Variants in CRMP1 observed in about 807,000 individuals in gnomAD.
CRMP1 encodes the protein collapsin response mediator protein 1.
Under a neutral mutation model 68.3 loss-of-function variants are expected in CRMP1, and 19 were observed. The observed-to-expected ratio is 0.28, with a 90% confidence interval of 0.19 to 0.41. CRMP1 has a LOEUF of 0.41. Ranked by LOEUF, CRMP1 falls within the 10% of genes least tolerant of loss-of-function variation. CRMP1 has a pLI of 1.00. For synonymous variants in CRMP1, 439 were observed against 399.6 expected, an observed-to-expected ratio of 1.10 and a Z score of -1.18; for missense variants, 791 against 967.4, an observed-to-expected ratio of 0.82 and a Z score of 2.42.
In CRMP1 at chr4:5,860,964, G is replaced by C; in HGVS notation, c.655+62C>G. On this transcript the variant is annotated intron_variant, in intron 3 of 13. Transcript: ENST00000324989. The surrounding 1 kb of genome is among the most constrained non-coding windows in gnomAD (Gnocchi z 4.2). ...CTCGAACACACTGAGCACTTGTGAT[G>C]CTGGTGATGGGGAGGAGACCTCACA... 6.5e-7 allele frequency: 1 copy of C among 1,536,474 alleles called. No homozygotes were observed.
chr4:5,831,429 T>C (rs1366959362), intron 11 of CRMP1, among the ~76,000 whole-genome samples: 1 of 152,212 alleles, frequency 6.6e-6, no homozygotes, highest in African/African-American at 2.4e-5. Flanking sequence ...CACACAGCTG[T>C]TGACACTGTG....
At chr4:5,822,497 G>GA in intron 13 of CRMP1, among the ~76,000 whole-genome samples, 1 of 120,696 alleles carries the variant, frequency 8.3e-6, no homozygotes. Context: ...ATCTGAAGGG[G>GA]GGGGGGGTGG....
In CRMP1 at chr4:5,854,009, G is replaced by A. The variant is rs1305718809; in HGVS notation, c.820+2134C>T. 6.6e-6 allele frequency among the ~76,000 whole-genome samples: 1 copy of A among 152,120 alleles called. No homozygotes were observed. Among genetic ancestry groups the A allele is most frequent in the Non-Finnish European group, 1.5e-5 (1 of 68,032 alleles). On this transcript the variant is annotated intron_variant, in intron 4 of 13. Coordinates refer to ENST00000324989, the MANE Select transcript of CRMP1 (RefSeq NM_001014809.3). The surrounding 1 kb of genome is among the most constrained non-coding windows in gnomAD (Gnocchi z 4.0). ...TCCCTGGATGCCTGCAGGCAGCACAGACCCACTAGGCCTCACGGAGCCCAG... is the reference window on the plus strand; with the variant it reads ...TCCCTGGATGCCTGCAGGCAGCACAAACCCACTAGGCCTCACGGAGCCCAG...
Position 5,850,318 on chromosome 4 carries a change from AG to A in CRMP1, c.883-847del, listed in dbSNP as rs1174992387. 3.9e-5 allele frequency among the ~76,000 whole-genome samples: 6 copies of A among 152,224 alleles called. No individual in the cohort carries two copies. Among genetic ancestry groups the A allele is most frequent in the African/African-American group, 1.4e-4 (6 of 41,468 alleles). ...CGATTCCATCCATGCCCATGGCTCC[AG>A]TAGTTAGAATGAAACAGGTGAAAAT... On this transcript the variant is annotated intron_variant, in intron 5 of 13. Transcript: ENST00000324989. The surrounding 1 kb of genome is among the most constrained non-coding windows in gnomAD (Gnocchi z 4.4).
chr4:5,835,033 C>A (rs1354622560), intron 11 of CRMP1, among the ~76,000 whole-genome samples: 2 of 152,130 alleles, frequency 1.3e-5, no homozygotes, highest in Non-Finnish European at 2.9e-5. Flanking sequence ...GTCCTGTCCC[C>A]ACACCTGTGG....
At position 5,825,383 on chromosome 4, in the gene CRMP1, GCTT is replaced by G. The variant is rs1719386778; in HGVS notation, c.1969+108_1969+110del. The G allele has an allele frequency of 3.6e-5, 53 of 1,463,406 alleles. No individual in the cohort carries two copies. In the South Asian group the frequency reaches 6.1e-4, roughly 17 times the overall value. 90.7% of individuals were successfully genotyped at this position (1,463,406 alleles called of 1,614,324 possible). A position where few individuals can be genotyped will look rare whatever the true frequency, so the allele number is the denominator to read the frequency against. On this transcript the variant is annotated intron_variant, in intron 13 of 13. Transcript: ENST00000324989. The surrounding 1 kb of genome is among the most constrained non-coding windows in gnomAD (Gnocchi z 4.4). ...TCGGGTGGGGCACACTCCCTTCCCT[GCTT>G]CTTCATCTAGTGTCCAAGGCCACGT...
chr4:5,844,061 C>T (rs910124215), intron 6 of CRMP1, among the ~76,000 whole-genome samples: 4 of 152,082 alleles, frequency 2.6e-5, no homozygotes, highest in Admixed American at 2.0e-4. Flanking sequence ...TAGACATCAC[C>T]CCGTCATGAA....
At position 5,891,154 on chromosome 4, in the gene CRMP1, C is replaced by A. The variant is rs1386260826; in HGVS notation, c.381+1435G>T. On this transcript the variant is annotated intron_variant, in intron 1 of 13. Coordinates refer to ENST00000324989, the MANE Select transcript of CRMP1 (RefSeq NM_001014809.3). This position sits in a 1 kb window ranked among gnomAD's most constrained non-coding sequence, Gnocchi z 5.2. The stretch of plus-strand genomic sequence containing the variant: ...CTCTCGCACCATCTCCCTTTCTGAT[C>A]ACCCCACCACCACACACACATACAC... Among the ~76,000 whole-genome samples, 1 of 134,410 alleles carries A rather than the reference C, an allele frequency of 7.4e-6. No homozygotes were observed. Among genetic ancestry groups the A allele is most frequent in the Non-Finnish European group, 1.7e-5 (1 of 60,080 alleles). The allele number at this position is 134,410 out of a possible 152,430, so 88.2% of individuals were successfully genotyped here. A position where few individuals can be genotyped will look rare whatever the true frequency, so the allele number is the denominator to read the frequency against.
chr4:5,846,133 T>C (rs538473705), intron 6 of CRMP1, among the ~76,000 whole-genome samples: 7 of 152,000 alleles, frequency 4.6e-5, no homozygotes, highest in Admixed American at 3.3e-4. Flanking sequence ...CCATCACTAC[T>C]AAAAATACAA....
chr4:5,875,909 T>G (rs745856472), intron 1 of CRMP1, among the ~76,000 whole-genome samples: 7 of 152,100 alleles, frequency 4.6e-5, no homozygotes, highest in Non-Finnish European at 8.8e-5. Context: ...TCCCAGCACT[T>G]TGGGAGGCCG....
Position 5,834,738 on chromosome 4 carries a change from G to A in CRMP1, c.1623+1177C>T, listed in dbSNP as rs1319384002. 6.6e-6 allele frequency among the ~76,000 whole-genome samples: 1 copy of A among 152,160 alleles called. No homozygotes were observed. On this transcript the variant is annotated intron_variant, in intron 11 of 13. Transcript: ENST00000324989. The surrounding 1 kb of genome is among the most constrained non-coding windows in gnomAD (Gnocchi z 4.3). ...AAATAATAGAATTGCAAGCCCTGCTGGACTGTACATGTGCGTGGCATAAAC... is the reference window on the plus strand; with the variant it reads ...AAATAATAGAATTGCAAGCCCTGCTAGACTGTACATGTGCGTGGCATAAAC...
At chr4:5,851,618 A>T in intron 4 of CRMP1, 149 bp from the exon 5 acceptor site, 1 of 755,614 alleles carries the variant, frequency 1.3e-6, no homozygotes, top group Non-Finnish European at 2.2e-6. Context: ...ATCCAGCCTG[A>T]GGATGTGGGC....
intron 1 of CRMP1, among the ~76,000 whole-genome samples, chr4:5,871,258 G>T (rs1714420519): frequency 6.6e-6 from 1 of 152,136 alleles, no homozygotes; most frequent in African/African-American, 2.4e-5. Flanking sequence ...TAGTTCCTTT[G>T]CCTCTTAAAC....
At chr4:5,868,533 C>A (rs1714210361) in intron 1 of CRMP1, among the ~76,000 whole-genome samples, 1 of 151,928 alleles carries the variant, frequency 6.6e-6, no homozygotes, top group Non-Finnish European at 1.5e-5. Flanking sequence ...AATCTCCCGA[C>A]CTCATGATCT....
rs952503289 is a variant in CRMP1, at chr4:5,889,839, C to A, written c.381+2750G>T. On this transcript the variant is annotated intron_variant, in intron 1 of 13. Transcript: ENST00000324989. This position sits in a 1 kb window ranked among gnomAD's most constrained non-coding sequence, Gnocchi z 4.5. ...AATCCAGGGCAGGAGGCCAGAGACA[C>A]CTGGGCCTTAAAATAGAGGTGAGGT... 3.5e-5 allele frequency: 52 copies of A among 1,465,026 alleles called. No homozygotes were observed. The highest frequency in any genetic ancestry group is 2.4e-4 in the Admixed American group (10 of 41,282). 90.8% of individuals were successfully genotyped at this position (1,465,026 alleles called of 1,614,324 possible).
chr4:5,871,136 G>A (rs1330983226), intron 1 of CRMP1, among the ~76,000 whole-genome samples: 3 of 152,158 alleles, frequency 2.0e-5, no homozygotes, highest in Admixed American at 6.5e-5. Context: ...AAGCAGGGGC[G>A]CCCAGGCTCC....
At position 5,889,811 on chromosome 4, in the gene CRMP1, C is replaced by G; in HGVS notation, c.381+2778G>C. The G allele has an allele frequency of 6.6e-7, 1 of 1,508,634 alleles. No homozygotes were observed. The highest frequency in any genetic ancestry group is 8.8e-7 in the Non-Finnish European group (1 of 1,130,708). 93.5% of individuals were successfully genotyped at this position (1,508,634 alleles called of 1,614,324 possible). A position where few individuals can be genotyped will look rare whatever the true frequency, so the allele number is the denominator to read the frequency against. ...CCTTCACCACCCCAGGGGCCAGTCCCCTAATCCAGGGCAGGAGGCCAGAGA... is the reference window on the plus strand; with the variant it reads ...CCTTCACCACCCCAGGGGCCAGTCCGCTAATCCAGGGCAGGAGGCCAGAGA... On this transcript the variant is annotated intron_variant, in intron 1 of 13. Coordinates refer to ENST00000324989, the MANE Select transcript of CRMP1 (RefSeq NM_001014809.3). The surrounding 1 kb of genome is among the most constrained non-coding windows in gnomAD (Gnocchi z 4.5).
At chr4:5,827,200 G>A (rs181298151) in intron 12 of CRMP1, among the ~76,000 whole-genome samples, 5 of 152,318 alleles carry the variant, frequency 3.3e-5, no homozygotes, top group South Asian at 2.1e-4. Context: ...ACTGTTAACC[G>A]CAGGCCTCAG....
chr4:5,888,538 A>T lies in CRMP1; in HGVS notation c.381+4051T>A, dbSNP rs1577855673. The stretch of plus-strand genomic sequence containing the variant: ...CGAGGGCGGGAGGAGGGGGCTGCAG[A>T]CAGCTCCTCCCGGCGGCGCGGAGCG... On this transcript the variant is annotated intron_variant, in intron 1 of 13. Transcript: ENST00000324989. This position sits in a 1 kb window ranked among gnomAD's most constrained non-coding sequence, Gnocchi z 6.4. 1 of 1,158,988 alleles carries T rather than the reference A, an allele frequency of 8.6e-7. No homozygotes were observed. Among genetic ancestry groups the T allele is most frequent in the South Asian group, 4.4e-5 (1 of 22,910 alleles). The allele number at this position is 1,158,988 out of a possible 1,614,324, so 71.8% of individuals were successfully genotyped here. A position where few individuals can be genotyped will look rare whatever the true frequency, so the allele number is the denominator to read the frequency against.
Sources: gnomAD v4.1 joint callset for allele counts (sites outside exome capture counted in the v4.1 genomes callset) on GRCh38, gnomAD v4.1.1 for gene constraint, Gnocchi (gnomAD v3.1) non-coding constraint, MANE v1.5 for transcripts, NCBI Gene and HGNC (gene_info 2026-07-23, HGNC 2026-07-21) for gene names.